The following IL12RB2 variants were observed in gnomAD, a reference collection of about 807,000 sequenced individuals.
IL12RB2 encodes the protein interleukin 12 receptor subunit beta 2.
Under a neutral mutation model 89.4 loss-of-function variants are expected in IL12RB2, and 82 were observed. That is an observed-to-expected ratio of 0.92 (90% confidence interval 0.77 to 1.10). The LOEUF (loss-of-function observed/expected upper bound fraction) is 1.10, where lower values mean the gene tolerates loss of function less well. Ranked by LOEUF, IL12RB2 falls within the 50% of genes least tolerant of loss-of-function variation. IL12RB2 has a pLI of 0.00. For synonymous variants in IL12RB2, 368 were observed against 370.1 expected (o/e 0.99, Z 0.07); for missense variants, 963 against 1,031.9 (o/e 0.93, Z 0.92).
chr1:67,336,470 C>T (rs1188284719), intron 8 of IL12RB2, among the ~76,000 whole-genome samples: 1 of 152,074 alleles, frequency 6.6e-6, no homozygotes, highest in African/African-American at 2.4e-5. Flanking sequence ...GGTTTGATTC[C>T]TGGGCCACTC....
intron 8 of IL12RB2, among the ~76,000 whole-genome samples, chr1:67,336,347 T>C (rs970916457): frequency 6.6e-6 from 1 of 152,196 alleles, no homozygotes; most frequent in African/African-American, 2.4e-5. Context: ...AGATGATGTA[T>C]ATAGTGTCCG....
intron 10 of IL12RB2, among the ~76,000 whole-genome samples, chr1:67,360,607 C>A (rs775606210): frequency 6.6e-6 from 1 of 151,818 alleles, no homozygotes; most frequent in Non-Finnish European, 1.5e-5. Context: ...ACCAGCCTGG[C>A]CAACATGGCA....
At chr1:67,311,778 T>C (rs927451366) in intron 1 of IL12RB2, among the ~76,000 whole-genome samples, 1 of 152,200 alleles carries the variant, frequency 6.6e-6, no homozygotes, top group African/African-American at 2.4e-5. Flanking sequence ...TCACTACCCT[T>C]AGTTTTTTAA....
intron 13 of IL12RB2, among the ~76,000 whole-genome samples, chr1:67,377,449 T>G (rs146571468): frequency 6.6e-6 from 1 of 152,230 alleles, no homozygotes; most frequent in African/African-American, 2.4e-5. Flanking sequence ...AAACTCACTA[T>G]GCCAAAAGAA....
At chr1:67,326,643 G>C (rs1433673979) in intron 4 of IL12RB2, 92 bp from the exon 5 acceptor site, 17 of 1,537,354 alleles carry the variant, frequency 1.1e-5, no homozygotes, top group Non-Finnish European at 1.3e-5. Context: ...ACGGCATGTG[G>C]GGGACGTATT....
chr1:67,363,211 A>ATTT (rs199805464), intron 10 of IL12RB2, among the ~76,000 whole-genome samples: 4 of 97,220 alleles, frequency 4.1e-5, no homozygotes, highest in Non-Finnish European at 6.1e-5. Flanking sequence ...AATTATTCTT[A>ATTT]TTTTTTTTTT....
chr1:67,319,379 A>C (rs1292875316), intron 2 of IL12RB2, among the ~76,000 whole-genome samples: 1 of 152,246 alleles, frequency 6.6e-6, no homozygotes, highest in Non-Finnish European at 1.5e-5. Context: ...TGACCTATTC[A>C]AGATAAAATC....
At chr1:67,314,785 G>T (rs1264656340) in intron 2 of IL12RB2, among the ~76,000 whole-genome samples, 3 of 152,126 alleles carry the variant, frequency 2.0e-5, no homozygotes, top group Admixed American at 1.3e-4. Flanking sequence ...AGTAATTGTT[G>T]TCTCTGTCTT....
chr1:67,375,221 C>G (rs1219419403), intron 13 of IL12RB2, among the ~76,000 whole-genome samples: 2 of 151,874 alleles, frequency 1.3e-5, no homozygotes, highest in African/African-American at 4.8e-5. Flanking sequence ...ATGGTGAAAC[C>G]CTGTCTCTAC....
intron 10 of IL12RB2, among the ~76,000 whole-genome samples, chr1:67,354,000 C>T (rs1441082535): frequency 6.6e-6 from 1 of 152,142 alleles, no homozygotes; most frequent in African/African-American, 2.4e-5. Context: ...TTTGAGCATA[C>T]ACTATATAAG....
intron 9 of IL12RB2, among the ~76,000 whole-genome samples, chr1:67,342,462 C>A (rs1659744110): frequency 6.6e-6 from 1 of 151,952 alleles, no homozygotes; most frequent in African/African-American, 2.4e-5. Context: ...TTGGGTGCAG[C>A]CCCTGGGGGT....
intron 14 of IL12RB2, among the ~76,000 whole-genome samples, chr1:67,385,686 G>C (rs1376922788): frequency 1.5e-4 from 23 of 152,224 alleles, no homozygotes; most frequent in Non-Finnish European, 1.5e-5. Flanking sequence ...GTAGTAAAAT[G>C]CTGTAGTTCT....
At chr1:67,360,376 G>T (rs1355684876) in intron 10 of IL12RB2, among the ~76,000 whole-genome samples, 2 of 151,612 alleles carry the variant, frequency 1.3e-5, no homozygotes, top group African/African-American at 4.8e-5. Context: ...TCCAGCCCGG[G>T]TGACAGAGCA....
chr1:67,363,218 T>TA (rs1557448346), intron 10 of IL12RB2, among the ~76,000 whole-genome samples: 1 of 132,890 alleles, frequency 7.5e-6, no homozygotes, highest in South Asian at 2.5e-4. Flanking sequence ...CTTATTTTTT[T>TA]TTTTTTTTTT....
intron 7 of IL12RB2, among the ~76,000 whole-genome samples, chr1:67,330,092 A>G (rs1657858205): frequency 6.6e-6 from 1 of 152,176 alleles, no homozygotes; most frequent in Non-Finnish European, 1.5e-5. Context: ...ATAGAATTTA[A>G]TATTCCAAAG....
intron 10 of IL12RB2, among the ~76,000 whole-genome samples, chr1:67,359,150 A>G (rs766118416): frequency 5.3e-5 from 8 of 152,158 alleles, no homozygotes; most frequent in Non-Finnish European, 1.0e-4. Context: ...GAAAAAATAA[A>G]ATAAAATAAA....
intron 10 of IL12RB2, among the ~76,000 whole-genome samples, chr1:67,366,508 A>G (rs1662697498): frequency 6.6e-6 from 1 of 151,880 alleles, no homozygotes; most frequent in African/African-American, 2.4e-5. Flanking sequence ...ATAAAACCAC[A>G]ATTAAATACC....
Position 67,320,364 on chromosome 1 carries a change from T to A in IL12RB2, c.-5T>A, listed in dbSNP as rs371370239. On this transcript the variant is annotated 5_prime_UTR_variant, in exon 3 of 17. Coordinates refer to ENST00000674203, the MANE Select transcript of IL12RB2 (RefSeq NM_001374259.2). ...TACGGAGTTCTATACCAGAGTTGAT[T>A]GTTGATGGCACATACTTTTAGAGGA... The A allele has an allele frequency of 9.3e-6, 15 of 1,613,854 alleles. No homozygotes were observed. Among genetic ancestry groups the A allele is most frequent in the Non-Finnish European group, 1.3e-5 (15 of 1,179,928 alleles).
At chr1:67,349,721 TA>T (rs1660619364) in intron 9 of IL12RB2, among the ~76,000 whole-genome samples, 1 of 152,232 alleles carries the variant, frequency 6.6e-6, no homozygotes, top group East Asian at 1.9e-4. Context: ...AATGGAGATA[TA>T]AAAACTAGAT....
Sources: allele counts gnomAD v4.1 joint callset (sites outside exome capture counted in the v4.1 genomes callset), GRCh38; gene constraint gnomAD v4.1.1; transcripts MANE v1.5; gene names NCBI Gene and HGNC (gene_info 2026-07-23, HGNC 2026-07-21).